GABRB1: variants seen among roughly 807,000 people sequenced by gnomAD.
GABRB1 encodes gamma-aminobutyric acid type A receptor subunit beta1.
A neutral mutation model predicts 51.6 loss-of-function variants in GABRB1; 17 were observed. That is an observed-to-expected ratio of 0.33 (90% CI 0.23 to 0.49). The LOEUF is 0.49. Among genes scored for constraint, GABRB1 ranks in the 20% least tolerant of loss-of-function variants. The pLI, the probability that GABRB1 is intolerant of heterozygous loss-of-function variation, is 0.99. For missense variants in GABRB1, 410 were observed against 600.6 expected, an observed-to-expected ratio of 0.68 and a Z score of 3.32; for synonymous variants, 247 against 218.9, an observed-to-expected ratio of 1.13 and a Z score of -1.14.
intron 3 of GABRB1, among the ~76,000 whole-genome samples, chr4:47,093,794 A>T (rs1446668846): frequency 6.6e-6 from 1 of 152,206 alleles, no homozygotes; most frequent in Non-Finnish European, 1.5e-5. Flanking sequence ...ATTATGGCAA[A>T]ATCTCTCTTA....
intron 4 of GABRB1, among the ~76,000 whole-genome samples, chr4:47,246,901 T>C (rs1250756836): frequency 6.6e-6 from 1 of 152,066 alleles, no homozygotes; most frequent in East Asian, 1.9e-4. Context: ...TTGTTTGAGT[T>C]TGTTGTAGAT....
chr4:47,191,127 C>T (rs1372493), intron 4 of GABRB1, among the ~76,000 whole-genome samples: 7 of 152,026 alleles, frequency 4.6e-5, no homozygotes, highest in Admixed American at 4.6e-4. Context: ...AGATGATCAG[C>T]AGATCAGAGA....
intron 3 of GABRB1, among the ~76,000 whole-genome samples, chr4:47,044,477 GA>G (rs1394029097): frequency 6.6e-6 from 1 of 151,886 alleles, no homozygotes; most frequent in Non-Finnish European, 1.5e-5. Flanking sequence ...TAAATCTTGT[GA>G]TTTACTTAAT....
At chr4:47,203,202 G>A (rs1270009247) in intron 4 of GABRB1, among the ~76,000 whole-genome samples, 1 of 152,102 alleles carries the variant, frequency 6.6e-6, no homozygotes, top group African/African-American at 2.4e-5. Context: ...TTCTACATAG[G>A]GAGAAATTAT....
At chr4:47,420,446 GA>G (rs1166144198) in intron 8 of GABRB1, among the ~76,000 whole-genome samples, 3 of 151,660 alleles carry the variant, frequency 2.0e-5, no homozygotes, top group Admixed American at 2.0e-4. Context: ...AGCAACTTTT[GA>G]AAAAAAATCT....
intron 4 of GABRB1, among the ~76,000 whole-genome samples, chr4:47,198,251 G>A (rs934156087): frequency 1.2e-4 from 19 of 152,130 alleles, no homozygotes; most frequent in African/African-American, 4.3e-4. Flanking sequence ...AAACTCAGAG[G>A]GACTGAGGAT....
chr4:47,239,940 A>G (rs1315935298), intron 4 of GABRB1, among the ~76,000 whole-genome samples: 1 of 152,110 alleles, frequency 6.6e-6, no homozygotes, highest in African/African-American at 2.4e-5. Context: ...TTTCTACTCC[A>G]AGGACCCTTC....
intron 4 of GABRB1, among the ~76,000 whole-genome samples, chr4:47,299,961 C>A (rs13114535): frequency 2.4e-4 from 36 of 151,570 alleles, no homozygotes; most frequent in African/African-American, 7.5e-4. Flanking sequence ...GAAACTGGAA[C>A]TCATCATTCT....
At chr4:47,170,401 ACG>A (rs1298628160) in intron 4 of GABRB1, among the ~76,000 whole-genome samples, 1,502 of 141,900 alleles carry the variant, frequency 0.011, 19 homozygotes, top group African/African-American at 0.034. Flanking sequence ...ACACACACAC[ACG>A]CACACACACA....
At chr4:47,405,184 T>C (rs1039134986) in intron 7 of GABRB1, among the ~76,000 whole-genome samples, 2 of 152,176 alleles carry the variant, frequency 1.3e-5, no homozygotes, top group African/African-American at 2.4e-5. Flanking sequence ...AGACCACTCA[T>C]TATGACATTT....
At chr4:47,183,380 A>G (rs925126888) in intron 4 of GABRB1, among the ~76,000 whole-genome samples, 12 of 126,634 alleles carry the variant, frequency 9.5e-5, no homozygotes, top group Non-Finnish European at 1.9e-4. Context: ...ATATATATAT[A>G]TTCCACCACT....
chr4:47,093,846 A>C (rs1285482222), intron 3 of GABRB1, among the ~76,000 whole-genome samples: 6 of 152,238 alleles, frequency 3.9e-5, no homozygotes, highest in African/African-American at 1.4e-4. Context: ...TTATTATCCG[A>C]AAATTCCCTA....
chr4:47,197,607 T>C (rs1246583569), intron 4 of GABRB1, among the ~76,000 whole-genome samples: 2 of 152,218 alleles, frequency 1.3e-5, no homozygotes, highest in Non-Finnish European at 2.9e-5. Context: ...TTCCAAGTCA[T>C]ATTATAACAT....
At chr4:47,300,741 CT>C (rs1308854804) in intron 4 of GABRB1, among the ~76,000 whole-genome samples, 2 of 152,146 alleles carry the variant, frequency 1.3e-5, no homozygotes, top group Non-Finnish European at 2.9e-5. Flanking sequence ...CAGATCAACA[CT>C]TTTGCCACAG....
intron 4 of GABRB1, among the ~76,000 whole-genome samples, chr4:47,203,805 A>G (rs1720001866): frequency 6.6e-6 from 1 of 151,726 alleles, no homozygotes; most frequent in Non-Finnish European, 1.5e-5. Flanking sequence ...TGGAGGCAAA[A>G]CCTCACTCCT....
chr4:47,197,097 A>C (rs1719713954), intron 4 of GABRB1, among the ~76,000 whole-genome samples: 1 of 152,202 alleles, frequency 6.6e-6, no homozygotes, highest in Non-Finnish European at 1.5e-5. Flanking sequence ...TTCCTCTTAG[A>C]ACCTGCAGTA....
At chr4:46,996,161 A>T (rs767616566) in intron 1 of GABRB1, among the ~76,000 whole-genome samples, 1 of 150,916 alleles carries the variant, frequency 6.6e-6, no homozygotes, top group Non-Finnish European at 1.5e-5. Context: ...TCCCATGTAA[A>T]CTCCTATTTG....
At chr4:47,324,899 C>T (rs1030202189) in intron 5 of GABRB1, among the ~76,000 whole-genome samples, 7 of 152,308 alleles carry the variant, frequency 4.6e-5, no homozygotes, top group South Asian at 2.1e-4. Flanking sequence ...TCTCAAACTC[C>T]GCTGATCCGT....
Position 47,403,605 on chromosome 4 carries a change from T to A in GABRB1, c.729T>A (p.Ile243=). ...LSLSFRLKRN[I]GYFILQTYMP... is the part of the protein sequence containing the mutation. ...TAAGTTTTCGTCTAAAGAGAAACATTGGTTACTTCATTTTGCAAACCTACA... is the reference window on the plus strand; with the variant it reads ...TAAGTTTTCGTCTAAAGAGAAACATAGGTTACTTCATTTTGCAAACCTACA... Residue 243 remains isoleucine, a synonymous_variant, in exon 7 of 9, where the codon ATT becomes ATA. Transcript: ENST00000295454. 1.2e-6 allele frequency: 2 copies of A among 1,614,040 alleles called. No individual in the cohort carries two copies. Among genetic ancestry groups the A allele is most frequent in the African/African-American group, 1.3e-5 (1 of 75,052 alleles).
Sources: gnomAD v4.1 joint callset for allele counts (sites outside exome capture counted in the v4.1 genomes callset) on GRCh38, gnomAD v4.1.1 for gene constraint, MANE v1.5 for transcripts, NCBI Gene and HGNC (gene_info 2026-07-23, HGNC 2026-07-21) for gene names.